AP3B1: variants seen among roughly 807,000 people sequenced by gnomAD.
The protein encoded by AP3B1 is AP-3 complex subunit beta-1.
Under a neutral mutation model 132.5 loss-of-function variants are expected in AP3B1, and 61 were observed. The observed-to-expected ratio is 0.46, with a 90% CI of 0.37 to 0.57. The LOEUF is 0.57. Ranked by LOEUF, AP3B1 falls within the 20% of genes least tolerant of loss-of-function variation. The probability of loss-of-function intolerance (pLI) is 0.00; values close to 1 mark genes in which losing one functional copy is unlikely to be tolerated. For synonymous variants in AP3B1, 388 were observed against 438.3 expected (o/e 0.89, Z 1.43); for missense variants, 1,120 against 1,289.4 (o/e 0.87, Z 2.01).
At chr5:78,030,117 T>C (rs562632092) in intron 24 of AP3B1, among the ~76,000 whole-genome samples, 17 of 152,278 alleles carry the variant, frequency 1.1e-4, no homozygotes, top group Middle Eastern at 3.4e-3. Context: ...ATTAATTCTA[T>C]GTTTTTCTCT....
At chr5:78,106,856 CTT>C (rs1046007725) in intron 20 of AP3B1, among the ~76,000 whole-genome samples, 23 of 152,196 alleles carry the variant, frequency 1.5e-4, no homozygotes, top group African/African-American at 5.5e-4. Context: ...TAGAGCATGT[CTT>C]TTGATTGTAT....
chr5:78,092,170 C>T (rs1408379238), intron 21 of AP3B1, among the ~76,000 whole-genome samples: 1 of 152,134 alleles, frequency 6.6e-6, no homozygotes, highest in African/African-American at 2.4e-5. Context: ...TATTAGAATG[C>T]CCATGTAACG....
chr5:78,096,884 G>T (rs1370003178), intron 21 of AP3B1, among the ~76,000 whole-genome samples: 1 of 150,014 alleles, frequency 6.7e-6, no homozygotes, highest in African/African-American at 2.5e-5. Context: ...CGGGAGGGAG[G>T]TAGGGGGTCA....
intron 20 of AP3B1, among the ~76,000 whole-genome samples, chr5:78,107,940 C>T (rs1416576472): frequency 6.6e-6 from 1 of 152,094 alleles, no homozygotes; most frequent in Non-Finnish European, 1.5e-5. Context: ...TTATTTTTAA[C>T]ATAACACTTG....
At chr5:78,275,394 T>C (rs1748729104) in intron 1 of AP3B1, among the ~76,000 whole-genome samples, 1 of 152,222 alleles carries the variant, frequency 6.6e-6, no homozygotes, top group African/African-American at 2.4e-5. Context: ...ATGCAATTTA[T>C]ACAGATTCTA....
intron 26 of AP3B1, among the ~76,000 whole-genome samples, chr5:78,010,828 G>T (rs999459569): frequency 6.6e-6 from 1 of 151,888 alleles, no homozygotes; most frequent in Non-Finnish European, 1.5e-5. Flanking sequence ...TACTAGTATT[G>T]TCTTAAGTAA....
chr5:78,071,289 T>A (rs764425071), intron 22 of AP3B1, among the ~76,000 whole-genome samples: 2 of 152,190 alleles, frequency 1.3e-5, no homozygotes, highest in Non-Finnish European at 2.9e-5. Flanking sequence ...GTTATTATCC[T>A]CAGCAAACTA....
intron 22 of AP3B1, among the ~76,000 whole-genome samples, chr5:78,049,215 C>T (rs1306677968): frequency 6.6e-6 from 1 of 152,180 alleles, no homozygotes; most frequent in Non-Finnish European, 1.5e-5. Flanking sequence ...CTTTGCCTTT[C>T]TTTGTCCTCT....
chr5:78,242,353 T>C (rs1747171679), intron 2 of AP3B1, among the ~76,000 whole-genome samples: 1 of 152,116 alleles, frequency 6.6e-6, no homozygotes, highest in Non-Finnish European at 1.5e-5. Flanking sequence ...CCTTCTCCCT[T>C]GCTACAGCCA....
At chr5:78,114,698 T>A (rs1420148209) in intron 18 of AP3B1, among the ~76,000 whole-genome samples, 1 of 152,202 alleles carries the variant, frequency 6.6e-6, no homozygotes, top group African/African-American at 2.4e-5. Flanking sequence ...GTGATCTATG[T>A]AACGAAGCCC....
In AP3B1 at chr5:78,129,157, G is replaced by A; in HGVS notation, c.1801C>T (p.Gln601Ter). Residue 601 changes from glutamine to a stop codon, truncating the protein, a stop_gained, in exon 16 of 27, where the codon CAA becomes TAA. Transcript: ENST00000255194. LOFTEE classifies it high-confidence loss of function. ...SKYAKKIFLA[Q>*]KPAPLLESPF... ...GACTCAAGCAGTGGTGCAGGCTTTT[G>A]TGCTAGGAATATTTTTTTGGCATAT... The A allele has an allele frequency of 6.2e-7, 1 of 1,613,246 alleles. No homozygotes were observed. The highest frequency in any genetic ancestry group is 8.5e-7 in the Non-Finnish European group (1 of 1,179,482).
intron 22 of AP3B1, among the ~76,000 whole-genome samples, chr5:78,040,573 T>C (rs1239851993): frequency 6.6e-6 from 1 of 152,180 alleles, no homozygotes; most frequent in Non-Finnish European, 1.5e-5. Context: ...AGGCAGCATA[T>C]TAAATAATGA....
intron 3 of AP3B1, among the ~76,000 whole-genome samples, chr5:78,235,635 A>C (rs1746844765): frequency 6.6e-6 from 1 of 152,218 alleles, no homozygotes; most frequent in South Asian, 2.1e-4. Context: ...CAGAAATGGG[A>C]GTAGTTAAAG....
chr5:78,098,562 C>T (rs1258765692), intron 21 of AP3B1, among the ~76,000 whole-genome samples: 1 of 152,136 alleles, frequency 6.6e-6, no homozygotes, highest in African/African-American at 2.4e-5. Context: ...TACAAACATA[C>T]ATATGTAAGA....
chr5:78,025,688 C>A (rs1747313953), intron 24 of AP3B1, among the ~76,000 whole-genome samples: 1 of 152,180 alleles, frequency 6.6e-6, no homozygotes, highest in Non-Finnish European at 1.5e-5. Context: ...AAAATTAGCA[C>A]ATGAAACAAA....
intron 7 of AP3B1, among the ~76,000 whole-genome samples, chr5:78,203,816 T>G (rs746520853): frequency 6.6e-6 from 1 of 152,222 alleles, no homozygotes; most frequent in African/African-American, 2.4e-5. Context: ...GACTAGATAA[T>G]CTCAATTGAC....
intron 22 of AP3B1, among the ~76,000 whole-genome samples, chr5:78,059,476 C>T (rs1277423955): frequency 2.0e-5 from 3 of 152,174 alleles, no homozygotes; most frequent in African/African-American, 7.2e-5. Flanking sequence ...TGTTGTGAAA[C>T]CTATCTTCAG....
intron 22 of AP3B1, among the ~76,000 whole-genome samples, chr5:78,082,309 T>C (rs1474978374): frequency 6.6e-6 from 1 of 152,226 alleles, no homozygotes; most frequent in Non-Finnish European, 1.5e-5. Flanking sequence ...GAATCTATTA[T>C]CTGTTGCCAA....
At chr5:78,203,016 T>G (rs1377222220) in intron 7 of AP3B1, among the ~76,000 whole-genome samples, 1 of 152,186 alleles carries the variant, frequency 6.6e-6, no homozygotes, top group East Asian at 1.9e-4. Flanking sequence ...ACTTGTTGAC[T>G]TTTTTGTTTC....
Sources: gnomAD v4.1 joint callset for allele counts (sites outside exome capture counted in the v4.1 genomes callset) on GRCh38, gnomAD v4.1.1 for gene constraint, MANE v1.5 for transcripts, NCBI Gene and HGNC (gene_info 2026-07-23, HGNC 2026-07-21) for gene names.